Variants in PAFAH1B1 observed in about 807,000 individuals in gnomAD.
PAFAH1B1 encodes the protein platelet-activating factor acetylhydrolase IB subunit beta.
PAFAH1B1 carries 2 observed loss-of-function variants against 57.5 expected under a neutral mutation model. That is an observed-to-expected ratio of 0.03 (90% CI 0.01 to 0.11). The LOEUF (loss-of-function observed/expected upper bound fraction) is 0.11, where lower values mean the gene tolerates loss of function less well. PAFAH1B1 is among the 10% of genes least tolerant of loss of function. PAFAH1B1 has a pLI of 1.00. For missense variants in PAFAH1B1, 257 were observed against 512.0 expected (o/e 0.50, Z 4.81); for synonymous variants, 152 against 169.6 (o/e 0.90, Z 0.81).
chr17:2,683,529 C>T lies in PAFAH1B1; in HGVS notation c.*1727C>T, dbSNP rs1286484055. On this transcript the variant is annotated 3_prime_UTR_variant, in exon 11 of 11. Transcript: ENST00000397195. ...ACACAGAGACTAGGCCGTATATTAA[C>T]TAGAAGCAGCTTTATGTCTAGCTTG... 1 of 152,218 alleles carries T rather than the reference C, an allele frequency of 6.6e-6. No individual in the cohort carries two copies. The highest frequency in any genetic ancestry group is 2.4e-5 in the African/African-American group (1 of 41,436). The allele number at this position is 152,218 out of a possible 1,614,324, so 9.4% of individuals were successfully genotyped here. A position where few individuals can be genotyped will look rare whatever the true frequency, so the allele number is the denominator to read the frequency against.
intron 8 of PAFAH1B1, among the ~76,000 whole-genome samples, chr17:2,675,142 C>T (rs951757184): frequency 1.3e-5 from 2 of 152,112 alleles, no homozygotes; most frequent in African/African-American, 2.4e-5. Context: ...GCTGGGACCA[C>T]GGATGCATGT....
At chr17:2,644,470 G>A (rs954137164) in intron 2 of PAFAH1B1, among the ~76,000 whole-genome samples, 2 of 152,174 alleles carry the variant, frequency 1.3e-5, no homozygotes, top group Non-Finnish European at 2.9e-5. Flanking sequence ...TTGAACTTGG[G>A]AGGCGGAGGT....
At chr17:2,628,168 G>T (rs2151627739) in intron 1 of PAFAH1B1, among the ~76,000 whole-genome samples, 1 of 152,278 alleles carries the variant, frequency 6.6e-6, no homozygotes. Context: ...TTCTCAGAGG[G>T]AATGCTTTCA....
intron 1 of PAFAH1B1, among the ~76,000 whole-genome samples, chr17:2,619,983 G>T (rs2151621898): frequency 6.6e-6 from 1 of 152,186 alleles, no homozygotes; most frequent in African/African-American, 2.4e-5. Flanking sequence ...TGGAGATGTG[G>T]TCTTGCTGTG....
intron 1 of PAFAH1B1, among the ~76,000 whole-genome samples, chr17:2,622,782 C>T (rs1381328866): frequency 6.6e-6 from 1 of 152,222 alleles, no homozygotes; most frequent in Non-Finnish European, 1.5e-5. Context: ...TCAGCACTGC[C>T]TTAGCAGAGG....
At chr17:2,671,395 G>C (rs553683483) in intron 6 of PAFAH1B1, among the ~76,000 whole-genome samples, 2 of 151,848 alleles carry the variant, frequency 1.3e-5, no homozygotes, top group Admixed American at 6.6e-5. Flanking sequence ...TTTTAGTAGA[G>C]ACGGGGTTTC....
intron 1 of PAFAH1B1, among the ~76,000 whole-genome samples, chr17:2,597,810 G>C (rs933393381): frequency 6.6e-6 from 1 of 151,932 alleles, no homozygotes; most frequent in African/African-American, 2.4e-5. Flanking sequence ...CTGTCTGTCT[G>C]TCTGCGTATA....
chr17:2,645,788 T>G (rs987117232), intron 2 of PAFAH1B1, among the ~76,000 whole-genome samples: 1 of 149,756 alleles, frequency 6.7e-6, no homozygotes, highest in East Asian at 2.0e-4. Flanking sequence ...GTATTTTTAG[T>G]AGAGACGGGG....
chr17:2,664,927 G>A (rs1219315271), intron 2 of PAFAH1B1, among the ~76,000 whole-genome samples: 1 of 151,922 alleles, frequency 6.6e-6, no homozygotes. Flanking sequence ...AAATACTTTA[G>A]TTTTCTCAAA....
Position 2,637,910 on chromosome 17 carries a change from TATTA to T in PAFAH1B1, c.-190-185_-190-182del, listed in dbSNP as rs563305466. On this transcript the variant is annotated intron_variant, in intron 1 of 10. Coordinates refer to ENST00000397195, the MANE Select transcript of PAFAH1B1 (RefSeq NM_000430.4). Reference sequence around the variant, plus strand: ...GTAATGCTGTTTTGGCTCATTGAATTATTAATTTAAAAGACAAAACAGTATGGTT... The same window carrying T: ...GTAATGCTGTTTTGGCTCATTGAATTATTTAAAAGACAAAACAGTATGGTT... Among the ~76,000 whole-genome samples the T allele has an allele frequency of 2.0e-5, 3 of 152,324 alleles. No individual in the cohort carries two copies. In the South Asian group the frequency reaches 6.2e-4, roughly 32 times the overall value.
chr17:2,650,639 C>CAAA (rs10582467), intron 2 of PAFAH1B1, among the ~76,000 whole-genome samples: 14 of 108,822 alleles, frequency 1.3e-4, no homozygotes, highest in African/African-American at 3.1e-4. Flanking sequence ...GACTCTGTCT[C>CAAA]AAAAAAAAAA....
At chr17:2,675,620 G>A (rs993319998) in intron 8 of PAFAH1B1, among the ~76,000 whole-genome samples, 21 of 146,390 alleles carry the variant, frequency 1.4e-4, no homozygotes, top group African/African-American at 4.5e-4. Context: ...GCGAGACCCC[G>A]TCTCTACAGA....
chr17:2,600,441 G>A lies in PAFAH1B1; in HGVS notation c.-191+6435G>A, dbSNP rs1250066751. Among the ~76,000 whole-genome samples, 3 of 151,216 alleles carry A rather than the reference G, an allele frequency of 2.0e-5. No individual in the cohort carries two copies. The East Asian group carries it at 6.1e-4, about 31-fold the overall frequency. ...AAAAATTAGCCAGGTGTGGTGGTGGGTGCCTGTAATCCCAGCTACTTGGGA... is the reference window on the plus strand; with the variant it reads ...AAAAATTAGCCAGGTGTGGTGGTGGATGCCTGTAATCCCAGCTACTTGGGA... On this transcript the variant is annotated intron_variant, in intron 1 of 10. Transcript: ENST00000397195.
At chr17:2,670,408 A>T (rs758415781) in intron 6 of PAFAH1B1, 77 bp downstream of exon 6, 33 of 1,315,882 alleles carry the variant, frequency 2.5e-5, no homozygotes, top group Non-Finnish European at 3.1e-5. Context: ...CTAACAGTGT[A>T]CAGTGTTCCT....
intron 2 of PAFAH1B1, among the ~76,000 whole-genome samples, chr17:2,660,830 ATCTT>A (rs1567552054): frequency 6.6e-6 from 1 of 152,148 alleles, no homozygotes; most frequent in South Asian, 2.1e-4. Flanking sequence ...TCACCACACT[ATCTT>A]CCATGATGGT....
rs547669486 is a variant in PAFAH1B1, at chr17:2,622,822, A to G, written c.-190-15277A>G. ...CCATGAGGGCCCTGTCCCTGCAGCA[A>G]ACTTTTGCCTGGGCATCTGGACGTT... On this transcript the variant is annotated intron_variant, in intron 1 of 10. Transcript: ENST00000397195. Among the ~76,000 whole-genome samples the G allele has an allele frequency of 2.0e-5, 3 of 152,336 alleles. No homozygotes were observed. In the South Asian group the frequency reaches 6.2e-4, roughly 32 times the overall value.
At chr17:2,665,311 C>T in intron 2 of PAFAH1B1, 61 bp from the exon 3 acceptor site, 1 of 909,434 alleles carries the variant, frequency 1.1e-6, no homozygotes, top group Non-Finnish European at 1.8e-6. Flanking sequence ...TAAATAAATT[C>T]TATTTCTTCA....
chr17:2,674,289 GTACTGTATA>G lies in PAFAH1B1; in HGVS notation c.900+5_900+13del. ...CATCTCTGAAGCAACAGGATCTGAG[GTACTGTATA>G]TACAAATGTCTTCATGGTTTTATTG... On this transcript the variant is annotated splice_donor_variant and splice_donor_5th_base_variant and intron_variant, in intron 8 of 10. Transcript: ENST00000397195. LOFTEE classifies it high-confidence loss of function. The G allele has an allele frequency of 6.3e-7, 1 of 1,594,738 alleles. No homozygotes were observed. Among genetic ancestry groups the G allele is most frequent in the Non-Finnish European group, 8.6e-7 (1 of 1,162,334 alleles).
chr17:2,663,836 A>G (rs1458544023), intron 2 of PAFAH1B1, among the ~76,000 whole-genome samples: 1 of 151,952 alleles, frequency 6.6e-6, no homozygotes, highest in Non-Finnish European at 1.5e-5. Flanking sequence ...CTGGGACTAC[A>G]GGCGCATACC....
Sources: allele counts gnomAD v4.1 joint callset (sites outside exome capture counted in the v4.1 genomes callset), GRCh38; gene constraint gnomAD v4.1.1; transcripts MANE v1.5; gene names NCBI Gene and HGNC (gene_info 2026-07-23, HGNC 2026-07-21).